CEP131: variants seen among roughly 807,000 people sequenced by gnomAD.
The protein encoded by CEP131 is centrosomal protein 131.
CEP131 carries 99 observed loss-of-function variants against 136.8 expected under a neutral mutation model. The observed-to-expected ratio is 0.72, with a 90% CI of 0.62 to 0.86. CEP131 has a LOEUF of 0.86. Ranked by LOEUF, CEP131 falls within the 40% of genes least tolerant of loss-of-function variation. The pLI, the probability that CEP131 is intolerant of heterozygous loss-of-function variation, is 0.00. For missense variants in CEP131, 1,459 were observed against 1,463.0 expected (o/e 1.00, Z 0.04); for synonymous variants, 646 against 612.7 (o/e 1.05, Z -0.80).
intron 7 of CEP131, among the ~76,000 whole-genome samples, chr17:81,200,692 C>G (rs945969308): frequency 1.3e-5 from 2 of 152,202 alleles, no homozygotes; most frequent in Admixed American, 1.3e-4. Context: ...GAAACGCCTA[C>G]CCACGCAGGC....
intron 1 of CEP131, among the ~76,000 whole-genome samples, chr17:81,222,481 G>A (rs1021028348): frequency 6.6e-6 from 1 of 152,204 alleles, no homozygotes; most frequent in Non-Finnish European, 1.5e-5. Flanking sequence ...GTGGAGGGAG[G>A]TGGAGAGGGT....
rs1052608118 is a variant in CEP131, at chr17:81,191,290, G to A, written c.2668C>T (p.Arg890Trp). The A allele has an allele frequency of 1.1e-5, 17 of 1,613,342 alleles. No individual in the cohort carries two copies. Among genetic ancestry groups the A allele is most frequent in the East Asian group, 2.2e-5 (1 of 44,884 alleles). The change falls in exon 22 of 26, where the codon CGG (arginine) becomes TGG (tryptophan). Residue 890 changes from arginine (R) to tryptophan (W), a missense_variant. By Grantham distance (101) the Arg-to-Trp change is moderately radical (BLOSUM62 -3). Around this residue, in one of 3 missense-constraint regions of CEP131, gnomAD observed 1,026 missense variants for 964.2 expected, o/e 1.06. Transcript: ENST00000450824. Reference protein sequence around the residue: ...NREQELREEIRKGRDKEIELV... With the variant: ...NREQELREEIWKGRDKEIELV... Reference sequence around the variant, plus strand: ...TCAATCTCCTTGTCCCGGCCTTTCCGGATTTCTTCCCTCAGCTCCTGTTCC... The same window carrying A: ...TCAATCTCCTTGTCCCGGCCTTTCCAGATTTCTTCCCTCAGCTCCTGTTCC...
Position 81,203,113 on chromosome 17 carries a change from C to T in CEP131, c.629+381G>A, listed in dbSNP as rs949103859. Reference sequence around the variant, plus strand: ...GGGCTCCTTTGCCCCGCTCGGTCCACCCCCGCTGTGACGCCTTCTGGGCTC... The same window carrying T: ...GGGCTCCTTTGCCCCGCTCGGTCCATCCCCGCTGTGACGCCTTCTGGGCTC... On this transcript the variant is annotated intron_variant, in intron 6 of 25. Coordinates refer to ENST00000450824, the MANE Select transcript of CEP131 (RefSeq NM_014984.4). The surrounding 1 kb of genome is among the most constrained non-coding windows in gnomAD (Gnocchi z 4.6). 5.3e-5 allele frequency among the ~76,000 whole-genome samples: 8 copies of T among 152,220 alleles called. No individual in the cohort carries two copies. The highest frequency in any genetic ancestry group is 1.2e-4 in the Non-Finnish European group (8 of 68,040).
At position 81,190,711 on chromosome 17, in the gene CEP131, G is replaced by A. The variant is rs767890571; in HGVS notation, c.3035C>T (p.Thr1012Met). 12 of 1,609,252 alleles carry A rather than the reference G, an allele frequency of 7.5e-6. No homozygotes were observed. The highest frequency in any genetic ancestry group is 6.7e-5 in the East Asian group (3 of 44,780). The change falls in exon 24 of 26, where the codon ACG becomes ATG. Residue 1012 changes from threonine (T) to methionine (M), a missense_variant. Around this residue, in one of 3 missense-constraint regions of CEP131, gnomAD observed 1,026 missense variants for 964.2 expected, o/e 1.06. Transcript: ENST00000450824. ...EDRLAASEEE[T>M]RQAKAELATL... ...GGCCAGCTCGGCCTTGGCCTGCCGCGTCTCCTCCTCAGAGGCTGCCAGCCG... is the reference window on the plus strand; with the variant it reads ...GGCCAGCTCGGCCTTGGCCTGCCGCATCTCCTCCTCAGAGGCTGCCAGCCG...
Position 81,193,917 on chromosome 17 carries a change from A to G in CEP131, c.2321+9T>C. The G allele has an allele frequency of 2.6e-6, 4 of 1,532,564 alleles. No individual in the cohort carries two copies. Among genetic ancestry groups the G allele is most frequent in the Non-Finnish European group, 3.5e-6 (4 of 1,142,242 alleles). The allele number at this position is 1,532,564 out of a possible 1,614,324, so 94.9% of individuals were successfully genotyped here. The stretch of plus-strand genomic sequence containing the variant: ...GTCCTGGCCCCACCGGCCTGGGGCC[A>G]CCACCCACCGCTGCCGAGCACGTTC... On this transcript the variant is annotated intron_variant, in intron 18 of 25. Coordinates refer to ENST00000450824, the MANE Select transcript of CEP131 (RefSeq NM_014984.4).
At position 81,194,975 on chromosome 17, in the gene CEP131, A is replaced by C; in HGVS notation, c.2017-3T>G. On this transcript the variant is annotated splice_polypyrimidine_tract_variant and splice_region_variant and intron_variant, in intron 16 of 25. Transcript: ENST00000450824. ...AATTCTTTGAGTTTTTTAATCTCCTACGAGCAGAACAGGGCAGGAGGAAAC... is the reference window on the plus strand; with the variant it reads ...AATTCTTTGAGTTTTTTAATCTCCTCCGAGCAGAACAGGGCAGGAGGAAAC... 1 of 1,607,416 alleles carries C rather than the reference A, an allele frequency of 6.2e-7. No individual in the cohort carries two copies. Among genetic ancestry groups the C allele is most frequent in the Non-Finnish European group, 8.5e-7 (1 of 1,177,928 alleles).
intron 13 of CEP131, chr17:81,197,406 G>A: frequency 7.5e-6 from 4 of 533,354 alleles, no homozygotes; most frequent in Non-Finnish European, 1.3e-5. Context: ...GGCTCCAGAG[G>A]GCTGAACTAT....
chr17:81,191,299 C>G lies in CEP131; in HGVS notation c.2659G>C (p.Glu887Gln). Reference protein sequence around the residue: ...WLLNREQELREEIRKGRDKEI... With the variant: ...WLLNREQELRQEIRKGRDKEI... ...TTGTCCCGGCCTTTCCGGATTTCTTCCCTCAGCTCCTGTTCCCGGTTCAGC... is the reference window on the plus strand; with the variant it reads ...TTGTCCCGGCCTTTCCGGATTTCTTGCCTCAGCTCCTGTTCCCGGTTCAGC... The change falls in exon 22 of 26, where the codon GAA (glutamate) becomes CAA (glutamine). Residue 887 changes from glutamate to glutamine, a missense_variant. Transcript: ENST00000450824. 1 of 1,613,402 alleles carries G rather than the reference C, an allele frequency of 6.2e-7. No homozygotes were observed. The highest frequency in any genetic ancestry group is 8.5e-7 in the Non-Finnish European group (1 of 1,179,952).
At chr17:81,200,949 G>A (rs779405610) in intron 7 of CEP131, among the ~76,000 whole-genome samples, 2 of 152,146 alleles carry the variant, frequency 1.3e-5, no homozygotes, top group Non-Finnish European at 2.9e-5. Context: ...TGGTGGTGCT[G>A]GGCCGTTTCC....
intron 17 of CEP131, 104 bp from the exon 18 acceptor site, chr17:81,194,231 C>T: frequency 2.8e-6 from 3 of 1,056,124 alleles, no homozygotes; most frequent in Non-Finnish European, 3.9e-6. Flanking sequence ...GGGACCCCGC[C>T]CACCCAGGGC....
Position 81,191,177 on chromosome 17 carries a change from C to T in CEP131, c.2765+16G>A. The T allele has an allele frequency of 6.2e-7, 1 of 1,610,210 alleles. No homozygotes were observed. The highest frequency in any genetic ancestry group is 1.1e-5 in the South Asian group (1 of 90,958). On this transcript the variant is annotated intron_variant, in intron 22 of 25. Transcript: ENST00000450824. Reference sequence around the variant, plus strand: ...GGGCCTCCCCAGCTGGTGACCCAGCCATGGCGGGTCCTTACCGGCTCTCGG... The same window carrying T: ...GGGCCTCCCCAGCTGGTGACCCAGCTATGGCGGGTCCTTACCGGCTCTCGG...
At chr17:81,192,685 G>GTGGGGGGGGGGGGGGGGGGGCC in intron 19 of CEP131, 51 bp downstream of exon 19, 1 of 478,438 alleles carries the variant, frequency 2.1e-6, no homozygotes, top group Non-Finnish European at 4.1e-6. Context: ...GGGGGGAGGG[G>GTGGGGGGGGGGGGGGGGGGGCC]TCAGCCAGCG....
chr17:81,219,356 C>T lies in CEP131; in HGVS notation c.177+524G>A, dbSNP rs1042410693. ...GTCGCCAGGCTGGAGTGCAACGGCA[C>T]GATCTCGGCTCACCGCAACCTCTGC... On this transcript the variant is annotated intron_variant, in intron 2 of 25. Transcript: ENST00000450824. The surrounding 1 kb of genome is among the most constrained non-coding windows in gnomAD (Gnocchi z 4.0). Among the ~76,000 whole-genome samples the T allele has an allele frequency of 6.0e-5, 9 of 148,934 alleles. No individual in the cohort carries two copies. Among genetic ancestry groups the T allele is most frequent in the African/African-American group, 1.7e-4 (7 of 40,274 alleles).
intron 2 of CEP131, among the ~76,000 whole-genome samples, chr17:81,218,774 C>T (rs1272497693): frequency 2.0e-5 from 3 of 152,178 alleles, no homozygotes; most frequent in Admixed American, 2.0e-4. Context: ...AGGGCAGACA[C>T]AGGAATAACT....
chr17:81,209,552 A>T (rs913949425), intron 2 of CEP131, among the ~76,000 whole-genome samples: 10 of 145,306 alleles, frequency 6.9e-5, no homozygotes, highest in Non-Finnish European at 1.5e-5. Context: ...GCTGCGCAGC[A>T]GACACTAAGC....
intron 11 of CEP131, 48 bp from the exon 12 acceptor site, chr17:81,198,345 G>C: frequency 6.6e-7 from 1 of 1,517,362 alleles, no homozygotes; most frequent in African/African-American, 1.4e-5. Flanking sequence ...TGGTAGCTGA[G>C]AGCAGCCCCC....
chr17:81,203,599 T>C lies in CEP131; in HGVS notation c.524A>G (p.Lys175Arg). Residue 175 changes from lysine (K) to arginine (R), a missense_variant, in exon 6 of 26, where the codon AAG becomes AGG. This residue lies in a region of CEP131 where 246 missense variants were observed against 318.9 expected (regional missense o/e 0.77). Transcript: ENST00000450824. The surrounding 1 kb of genome is among the most constrained non-coding windows in gnomAD (Gnocchi z 4.6). Reference sequence around the variant, plus strand: ...GGTGACGCAGTTGCCCACTGCTCCCTTGTTGCTCCTGCCAGGCCGGAAGAG... The same window carrying C: ...GGTGACGCAGTTGCCCACTGCTCCCCTGTTGCTCCTGCCAGGCCGGAAGAG... ...PNFTANNRSN[K>R]GAVGNCVTTM... 2 of 1,594,304 alleles carry C rather than the reference T, an allele frequency of 1.3e-6. No individual in the cohort carries two copies. Among genetic ancestry groups the C allele is most frequent in the East Asian group, 2.3e-5 (1 of 44,118 alleles).
chr17:81,197,482 G>C (rs973364162), intron 13 of CEP131: 2 of 639,380 alleles, frequency 3.1e-6, no homozygotes, highest in Middle Eastern at 4.4e-4. Flanking sequence ...TGGGGAATGC[G>C]GGCCCTGCCA....
chr17:81,199,994 T>A, intron 8 of CEP131, 159 bp from the exon 9 acceptor site: 1 of 734,660 alleles, frequency 1.4e-6, no homozygotes. Context: ...GAACCTGCCA[T>A]TTCTCTGCTC....
Sources: allele counts gnomAD v4.1 joint callset (sites outside exome capture counted in the v4.1 genomes callset), GRCh38; gene constraint gnomAD v4.1.1; regional missense constraint gnomAD v4.1.1; non-coding constraint Gnocchi (gnomAD v3.1); transcripts MANE v1.5; gene names NCBI Gene and HGNC (gene_info 2026-07-23, HGNC 2026-07-21).